Variants in CLIC5 observed in about 807,000 individuals in gnomAD.
The protein encoded by CLIC5 is CLIC family member 5, also known as chloride intracellular channel protein 5.
In CLIC5, 20 loss-of-function variants were observed where a neutral mutation model predicts 24.7. The ratio of observed to expected loss-of-function variants is 0.81; its 90% CI spans 0.57 to 1.18. The LOEUF (loss-of-function observed/expected upper bound fraction) is 1.18. CLIC5 is among the 50% of genes most tolerant of loss of function. CLIC5 has a pLI of 0.00. For synonymous variants in CLIC5, 159 were observed against 135.6 expected (o/e 1.17, Z -1.20); for missense variants, 341 against 326.1 (o/e 1.05, Z -0.35).
chr6:45,959,206 T>G (rs1412221146), intron 1 of CLIC5, among the ~76,000 whole-genome samples: 1 of 152,210 alleles, frequency 6.6e-6, no homozygotes, highest in African/African-American at 2.4e-5. Flanking sequence ...CTTTTTAGTC[T>G]TAGAACTCTT....
At chr6:45,996,157 A>G (rs1379539106) in intron 1 of CLIC5, among the ~76,000 whole-genome samples, 2 of 151,982 alleles carry the variant, frequency 1.3e-5, no homozygotes, top group African/African-American at 4.8e-5. Context: ...AGAAATAATG[A>G]TCTGGGCTCT....
chr6:46,050,184 C>T (rs1423492724), intron 1 of CLIC5, among the ~76,000 whole-genome samples: 1 of 152,160 alleles, frequency 6.6e-6, no homozygotes, highest in Non-Finnish European at 1.5e-5. Flanking sequence ...AGTGCCTGGA[C>T]CACATCCCTA....
chr6:46,117,655 T>C, the CLIC5 span, among the ~76,000 whole-genome samples: 1 of 152,218 alleles, frequency 6.6e-6, no homozygotes, highest in Non-Finnish European at 1.5e-5. Flanking sequence ...GAGATATAAA[T>C]ATCCTTGGGG....
At chr6:46,072,300 C>T (rs942609396) in intron 1 of CLIC5, among the ~76,000 whole-genome samples, 2 of 151,054 alleles carry the variant, frequency 1.3e-5, no homozygotes, top group Non-Finnish European at 2.9e-5. Flanking sequence ...AGGGGGGATC[C>T]TAGGGAGATG....
rs542607424 is a variant in CLIC5 at position 45,903,173 on chromosome 6, C to T, written c.671G>A (p.Arg224His). Residue 224 changes from arginine to histidine, a missense_variant, in exon 6 of 6, where the codon CGT (arginine) becomes CAT (histidine). Physicochemically the swap from Arg to His is conservative, Grantham distance 29. Coordinates refer to ENST00000339561, the MANE Select transcript of CLIC5 (RefSeq NM_016929.5). ...TGCACAGGTGTTGGTGAACTCATCA[C>T]GGGCATAGGCGTTCTTGAGGTACCG... Reference protein sequence around the residue: ...LWRYLKNAYARDEFTNTCAAD... With the variant: ...LWRYLKNAYAHDEFTNTCAAD... 31 of 1,613,974 alleles carry T rather than the reference C, an allele frequency of 1.9e-5. No individual in the cohort carries two copies. Among genetic ancestry groups the T allele is most frequent in the South Asian group, 1.6e-4 (15 of 91,040 alleles).
chr6:45,907,883 C>G (rs1762705372), intron 5 of CLIC5, among the ~76,000 whole-genome samples: 1 of 151,966 alleles, frequency 6.6e-6, no homozygotes. Context: ...TCTTCTTTTC[C>G]TACTTGTAGG....
At chr6:45,962,645 G>T (rs1195326686) in intron 1 of CLIC5, among the ~76,000 whole-genome samples, 3 of 152,168 alleles carry the variant, frequency 2.0e-5, no homozygotes, top group African/African-American at 7.2e-5. Context: ...TTCAGTAGCT[G>T]TCATCTGCAC....
chr6:45,940,123 C>T lies in CLIC5; in HGVS notation c.406+1424G>A, dbSNP rs547292095. Among the ~76,000 whole-genome samples, 4 of 152,296 alleles carry T rather than the reference C, an allele frequency of 2.6e-5. No homozygotes were observed. In the South Asian group the frequency reaches 6.2e-4, roughly 24 times the overall value. ...GTCCCTGACTTTTTCTCAACTTCCCCGCATCTTCTGCTCAATGATCTCAGC... is the reference window on the plus strand; with the variant it reads ...GTCCCTGACTTTTTCTCAACTTCCCTGCATCTTCTGCTCAATGATCTCAGC... On this transcript the variant is annotated intron_variant, in intron 4 of 5. Coordinates refer to ENST00000339561, the MANE Select transcript of CLIC5 (RefSeq NM_016929.5).
intron 1 of CLIC5, among the ~76,000 whole-genome samples, chr6:46,013,124 C>T (rs1766864299): frequency 2.6e-5 from 4 of 152,130 alleles, no homozygotes; most frequent in African/African-American, 9.7e-5. Context: ...GTTGGGAGGT[C>T]CTTCCAAGGG....
chr6:46,096,446 C>T, the CLIC5 span, among the ~76,000 whole-genome samples: 1 of 152,208 alleles, frequency 6.6e-6, no homozygotes. Flanking sequence ...GGTTCTCTTG[C>T]TGTTGCAGTC....
intron 1 of CLIC5, among the ~76,000 whole-genome samples, chr6:46,040,725 G>T (rs1199701912): frequency 2.0e-5 from 3 of 152,068 alleles, no homozygotes; most frequent in African/African-American, 7.3e-5. Context: ...AGTGGCTGTG[G>T]TGCAGGGGGC....
intron 3 of CLIC5, among the ~76,000 whole-genome samples, chr6:45,945,926 C>T (rs1169007267): frequency 2.6e-5 from 4 of 152,182 alleles, no homozygotes; most frequent in Admixed American, 2.0e-4. Context: ...TGTAAATAGA[C>T]TGTATCAGTT....
At chr6:46,112,167 G>A in the CLIC5 span, among the ~76,000 whole-genome samples, 2 of 152,116 alleles carry the variant, frequency 1.3e-5, no homozygotes, top group South Asian at 4.2e-4. Context: ...ACAAACAGAA[G>A]TAACCCTGCA....
At position 45,958,234 on chromosome 6, in the gene CLIC5, G is replaced by A. The variant is rs1764710751; in HGVS notation, c.64-2990C>T. Reference sequence around the variant, plus strand: ...TGAAGTGATGTATCTACAAGCCAACGAACGCCAAGGATTGGTGGCAGACAC... The same window carrying A: ...TGAAGTGATGTATCTACAAGCCAACAAACGCCAAGGATTGGTGGCAGACAC... On this transcript the variant is annotated intron_variant, in intron 1 of 5. Transcript: ENST00000339561. Among the ~76,000 whole-genome samples the A allele has an allele frequency of 2.6e-5, 4 of 151,450 alleles. No individual in the cohort carries two copies. The South Asian group carries it at 6.3e-4, about 24-fold the overall frequency.
rs1764132913 is a variant in CLIC5, at chr6:45,941,593, G to C, written c.360C>G (p.Ser120=). 6.2e-7 allele frequency: 1 copy of C among 1,613,962 alleles called. No homozygotes were observed. The highest frequency in any genetic ancestry group is 1.1e-5 in the South Asian group (1 of 91,030). ...ESNTAGIDIF[S]KFSAYIKNTK... is the part of the protein sequence containing the mutation. Reference sequence around the variant, plus strand: ...TATTTTTGATGTAGGCAGAAAACTTGGAAAAGATGTCGATGCCCGCTGTGT... The same window carrying C: ...TATTTTTGATGTAGGCAGAAAACTTCGAAAAGATGTCGATGCCCGCTGTGT... Residue 120 remains serine (S), a synonymous_variant, in exon 4 of 6, where the codon TCC becomes TCG. Coordinates refer to ENST00000339561, the MANE Select transcript of CLIC5 (RefSeq NM_016929.5).
chr6:45,943,517 A>G (rs3798264), intron 3 of CLIC5, among the ~76,000 whole-genome samples: 8,646 of 152,322 alleles, frequency 0.057, 357 homozygotes, highest in South Asian at 0.12. Flanking sequence ...GCCTTCTCAC[A>G]TAGAATCCAG....
At chr6:45,919,003 C>T (rs12665031) in intron 4 of CLIC5, 303,458 of 984,592 alleles carry the variant, frequency 0.31, 47,773 homozygotes, top group East Asian at 0.47. Context: ...ACTCCTGGGA[C>T]GTACAATGGA....
chr6:46,041,697 G>A (rs948608083), intron 1 of CLIC5, among the ~76,000 whole-genome samples: 9 of 152,138 alleles, frequency 5.9e-5, no homozygotes, highest in East Asian at 3.8e-4. Flanking sequence ...CTAAAGCCCC[G>A]AGTATTGATA....
At chr6:46,094,325 A>G in the CLIC5 span, among the ~76,000 whole-genome samples, 32 of 152,196 alleles carry the variant, frequency 2.1e-4, no homozygotes, top group African/African-American at 4.8e-5. Context: ...ACAATTGCCC[A>G]AAGTTTTAAC....
Sources: allele counts gnomAD v4.1 joint callset (sites outside exome capture counted in the v4.1 genomes callset), GRCh38; gene constraint gnomAD v4.1.1; transcripts MANE v1.5; gene names NCBI Gene and HGNC (gene_info 2026-07-23, HGNC 2026-07-21).